The following CCT5 variants were observed in gnomAD, a reference collection of about 807,000 sequenced individuals.
CCT5 encodes the protein T-complex protein 1 subunit epsilon.
A neutral mutation model predicts 55.0 loss-of-function variants in CCT5; 6 were observed. That is an observed-to-expected ratio of 0.11 (90% CI 0.06 to 0.22). The LOEUF is 0.22. CCT5 is among the 10% of genes least tolerant of loss of function. The pLI is 1.00. For synonymous variants in CCT5, 231 were observed against 243.7 expected (o/e 0.95, Z 0.49); for missense variants, 560 against 694.6 (o/e 0.81, Z 2.18).
At chr5:10,253,568 G>A (rs559765722) in intron 1 of CCT5, among the ~76,000 whole-genome samples, 1 of 152,162 alleles carries the variant, frequency 6.6e-6, no homozygotes, top group Non-Finnish European at 1.5e-5. Context: ...TTACAATTCT[G>A]CAGTAAATCA....
Position 10,264,903 on chromosome 5 carries a change from A to C in CCT5, c.*120A>C, listed in dbSNP as rs1328267959. The C allele has an allele frequency of 2.3e-6, 3 of 1,302,136 alleles. No individual in the cohort carries two copies. Among genetic ancestry groups the C allele is most frequent in the Non-Finnish European group, 3.2e-6 (3 of 923,496 alleles). The allele number at this position is 1,302,136 out of a possible 1,614,324, so 80.7% of individuals were successfully genotyped here. A position where few individuals can be genotyped will look rare whatever the true frequency, so the allele number is the denominator to read the frequency against. On this transcript the variant is annotated 3_prime_UTR_variant, in exon 11 of 11. Transcript: ENST00000280326. ...TTCCAGACACTGTAGATGCTATAAT[A>C]AAAATAGCTGTTTGGTAACCATAGT...
chr5:10,250,863 G>T (rs1472097169), intron 1 of CCT5: 1 of 1,048,346 alleles, frequency 9.5e-7, no homozygotes, highest in Non-Finnish European at 1.2e-6. Context: ...CACCCGCAAC[G>T]GCCCTTCCGT....
At chr5:10,253,151 C>T (rs1478535249) in intron 1 of CCT5, among the ~76,000 whole-genome samples, 4 of 152,126 alleles carry the variant, frequency 2.6e-5, no homozygotes, top group African/African-American at 9.7e-5. Flanking sequence ...CATGGCAAAA[C>T]CCTATCTCTA....
intron 6 of CCT5, among the ~76,000 whole-genome samples, chr5:10,259,716 G>A (rs1745861658): frequency 2.0e-5 from 3 of 152,170 alleles, no homozygotes; most frequent in Non-Finnish European, 2.9e-5. Context: ...GCATGCTGGC[G>A]GGAGCTTATA....
rs201358534 is a variant in CCT5, at chr5:10,255,935, G to A, written c.332-20G>A. 5.0e-6 allele frequency: 8 copies of A among 1,610,616 alleles called. No homozygotes were observed. The African/African-American group carries it at 9.3e-5, about 19-fold the overall frequency. Reference sequence around the variant, plus strand: ...GTTTTGTTGTTTGCCTGAACTGATTGTCTGCTGGCTTATTTGCAGTCCTGG... The same window carrying A: ...GTTTTGTTGTTTGCCTGAACTGATTATCTGCTGGCTTATTTGCAGTCCTGG... On this transcript the variant is annotated intron_variant, in intron 3 of 10. Coordinates refer to ENST00000280326, the MANE Select transcript of CCT5 (RefSeq NM_012073.5).
intron 4 of CCT5, 162 bp from the exon 5 acceptor site, chr5:10,257,949 T>A: frequency 2.7e-6 from 2 of 732,022 alleles, no homozygotes; most frequent in Non-Finnish European, 4.7e-6. Flanking sequence ...AGGTTAAGAA[T>A]CTGCCCCAGA....
rs1210652533 is a variant in CCT5 at position 10,266,309 on chromosome 5, C to T, written c.*1526C>T. ...TGTTTTTTGTGATTGAGAAACTGGT[C>T]AATGAACAGGAAGACTTAGAGATGT... On this transcript the variant is annotated 3_prime_UTR_variant, in exon 11 of 11. Transcript: ENST00000280326. 1 of 152,132 alleles carries T rather than the reference C, an allele frequency of 6.6e-6. No homozygotes were observed. Among genetic ancestry groups the T allele is most frequent in the East Asian group, 1.9e-4 (1 of 5,196 alleles). 9.4% of individuals were successfully genotyped at this position (152,132 alleles called of 1,614,324 possible). A position where few individuals can be genotyped will look rare whatever the true frequency, so the allele number is the denominator to read the frequency against.
At chr5:10,254,631 T>C in intron 2 of CCT5, 43 bp from the exon 3 acceptor site, 2 of 1,590,246 alleles carry the variant, frequency 1.3e-6, no homozygotes, top group East Asian at 4.5e-5. Context: ...GTGATATTGG[T>C]TGCCAGTTTT....
chr5:10,250,347 T>G lies in CCT5; in HGVS notation c.7T>G (p.Ser3Ala). Reference protein sequence around the residue: MASMGTLAFDEYG... With the variant: MAAMGTLAFDEYG... ...TAATTCCGGTTGTTGCACCATGGCG[T>G]CCATGGGGACCCTCGCCTTCGATGA... is the stretch of plus-strand genomic sequence containing the variant. The change falls in exon 1 of 11, where the codon TCC becomes GCC. Residue 3 changes from serine (S) to alanine (A), a missense_variant. By Grantham distance (99) the Ser-to-Ala change is moderately conservative (BLOSUM62 1). This residue lies in a region of CCT5 where 137 missense variants were observed against 181.9 expected (regional missense o/e 0.75). Transcript: ENST00000280326. 6.2e-7 allele frequency: 1 copy of G among 1,614,032 alleles called. No homozygotes were observed. The highest frequency in any genetic ancestry group is 8.5e-7 in the Non-Finnish European group (1 of 1,180,014).
At chr5:10,254,295 A>C in intron 2 of CCT5, 90 bp downstream of exon 2, 2 of 936,004 alleles carry the variant, frequency 2.1e-6, no homozygotes, top group Non-Finnish European at 3.4e-6. Flanking sequence ...TGGAGTATTG[A>C]GGGGAGGCAT....
At chr5:10,249,929 A>T, upstream of CCT5, 1 of 831,318 alleles carries the variant, frequency 1.2e-6, no homozygotes, top group Non-Finnish European at 1.5e-6. Context: ...AAAAAAAAAA[A>T]AAAAACCGGA....
upstream of CCT5, chr5:10,249,927 A>AAAAAAC: frequency 3.3e-6 from 3 of 914,932 alleles, no homozygotes; most frequent in Non-Finnish European, 1.4e-6. Flanking sequence ...AAAAAAAAAA[A>AAAAAAC]AAAAAAACCG....
chr5:10,257,246 C>T (rs1745729050), intron 4 of CCT5, among the ~76,000 whole-genome samples: 3 of 152,164 alleles, frequency 2.0e-5, no homozygotes, highest in South Asian at 4.1e-4. Flanking sequence ...GCCTGCTGTC[C>T]TCCTCTAACC....
chr5:10,262,803 A>G (rs895983775), intron 9 of CCT5, among the ~76,000 whole-genome samples, 185 bp downstream of exon 9: 1 of 152,234 alleles, frequency 6.6e-6, no homozygotes. Flanking sequence ...ATAACCTAGC[A>G]TTTCTCAGCT....
Position 10,258,298 on chromosome 5 carries a change from C to T in CCT5, c.718C>T (p.Pro240Ser). The change falls in exon 5 of 11, where the codon CCA (proline) becomes TCA (serine). Residue 240 changes from proline to serine, a missense_variant. By Grantham distance (74) the Pro-to-Ser change is moderately conservative. This residue lies in a region of CCT5 where 256 missense variants were observed against 372.4 expected (regional missense o/e 0.69). Coordinates refer to ENST00000280326, the MANE Select transcript of CCT5 (RefSeq NM_012073.5). ...VDKDFSHPQM[P>S]KKVEDAKIAI... ...CAAGGATTTCAGTCACCCACAGATG[C>T]CAAAAGTGAGCCATTGCATCTCACA... The T allele has an allele frequency of 6.2e-7, 1 of 1,614,182 alleles. No homozygotes were observed. The highest frequency in any genetic ancestry group is 8.5e-7 in the Non-Finnish European group (1 of 1,180,034).
rs776573338 is a variant in CCT5, at chr5:10,264,810, A to G, written c.*27A>G. ...GACATTGAGAAAACTATGTAGCAAG[A>G]TCCACTTCTGTGATTAAGTAAATGG... is the stretch of plus-strand genomic sequence containing the variant. On this transcript the variant is annotated 3_prime_UTR_variant, in exon 11 of 11. Coordinates refer to ENST00000280326, the MANE Select transcript of CCT5 (RefSeq NM_012073.5). 5 of 1,611,228 alleles carry G rather than the reference A, an allele frequency of 3.1e-6. No individual in the cohort carries two copies. The highest frequency in any genetic ancestry group is 4.2e-6 in the Non-Finnish European group (5 of 1,177,432).
At position 10,266,135 on chromosome 5, in the gene CCT5, C is replaced by CT. The variant is rs1490549191; in HGVS notation, c.*1353dup. 1 of 152,168 alleles carries CT rather than the reference C, an allele frequency of 6.6e-6. No homozygotes were observed. The highest frequency in any genetic ancestry group is 1.5e-5 in the Non-Finnish European group (1 of 68,036). 9.4% of individuals were successfully genotyped at this position (152,168 alleles called of 1,614,324 possible). On this transcript the variant is annotated 3_prime_UTR_variant, in exon 11 of 11. Coordinates refer to ENST00000280326, the MANE Select transcript of CCT5 (RefSeq NM_012073.5). ...GCAGTTGAGTATTGAAAGCTTTAAA[C>CT]TGAGTTTATTTACAAGGACTGAGTC...
intron 1 of CCT5, among the ~76,000 whole-genome samples, chr5:10,253,127 A>C (rs1745510712): frequency 6.6e-6 from 1 of 151,892 alleles, no homozygotes; most frequent in Admixed American, 6.6e-5. Flanking sequence ...GGAGTTAAAG[A>C]CCAGCCTGGC....
At position 10,254,705 on chromosome 5, in the gene CCT5, A is replaced by G. The variant is rs2578617; in HGVS notation, c.198A>G (p.Gly66=). 1,330,796 of 1,613,310 alleles carry G rather than the reference A, an allele frequency of 0.82. 556,263 individuals are homozygous for G. The highest frequency in any genetic ancestry group is 0.89 in the East Asian group (39,807 of 44,858). ...ATAAGATGATGGTGGATAAGGATGG[A>G]GATGTGACTGTAACTAATGATGGGG... The part of the protein sequence containing the change: ...GLDKMMVDKD[G]DVTVTNDGAT... Residue 66 remains glycine, a synonymous_variant, in exon 3 of 11, where the codon GGA becomes GGG. Transcript: ENST00000280326.
Sources: gnomAD v4.1 joint callset for allele counts (sites outside exome capture counted in the v4.1 genomes callset) on GRCh38, gnomAD v4.1.1 for gene constraint, gnomAD v4.1.1 regional missense constraint, MANE v1.5 for transcripts, NCBI Gene and HGNC (gene_info 2026-07-23, HGNC 2026-07-21) for gene names.